Variants in KL observed in about 807,000 individuals in gnomAD.
The protein encoded by KL is klotho.
KL carries 62 observed loss-of-function variants against 84.2 expected under a neutral mutation model. The observed-to-expected ratio is 0.74, with a 90% CI of 0.60 to 0.91. The LOEUF is 0.91. KL is among the 40% of genes least tolerant of loss of function. The pLI, the probability that KL is intolerant of heterozygous loss-of-function variation, is 0.00. For synonymous variants in KL, 528 were observed against 528.0 expected (o/e 1.00, Z 0.00); for missense variants, 1,261 against 1,305.7 (o/e 0.97, Z 0.53).
chr13:33,058,098 C>T (rs774864234), intron 3 of KL, among the ~76,000 whole-genome samples: 11 of 152,128 alleles, frequency 7.2e-5, no homozygotes, highest in Non-Finnish European at 1.5e-4. Flanking sequence ...TTTGTTTTCC[C>T]ATAACCACGG....
At chr13:33,021,433 G>T (rs1252614239) in intron 1 of KL, among the ~76,000 whole-genome samples, 1 of 152,112 alleles carries the variant, frequency 6.6e-6, no homozygotes, top group Non-Finnish European at 1.5e-5. Context: ...AAGTCTCCTG[G>T]CCAGCTTTAG....
In KL at chr13:33,017,069, G is replaced by A. The variant is rs1870385787; in HGVS notation, c.629G>A (p.Arg210His). 1 of 1,601,328 alleles carries A rather than the reference G, an allele frequency of 6.2e-7. No homozygotes were observed. The highest frequency in any genetic ancestry group is 8.5e-7 in the Non-Finnish European group (1 of 1,178,110). The change falls in exon 1 of 5, where the codon CGC (arginine) becomes CAC (histidine). Residue 210 changes from arginine (R) to histidine (H), a missense_variant. By Grantham distance (29) the Arg-to-His change is conservative. Coordinates refer to ENST00000380099, the MANE Select transcript of KL (RefSeq NM_004795.4). ...LQDAYGGWAN[R>H]ALADHFRDYA... The stretch of plus-strand genomic sequence containing the variant: ...GACGCCTACGGCGGCTGGGCCAACC[G>A]CGCCCTGGCCGACCACTTCAGGGAT...
chr13:33,031,203 C>T (rs567180558), intron 1 of KL, among the ~76,000 whole-genome samples: 1 of 152,190 alleles, frequency 6.6e-6, no homozygotes, highest in East Asian at 1.9e-4. Context: ...AGATATGCAC[C>T]AGCAAAATTG....
At chr13:33,025,534 T>C (rs1766540960) in intron 1 of KL, among the ~76,000 whole-genome samples, 1 of 152,104 alleles carries the variant, frequency 6.6e-6, no homozygotes. Context: ...GGTGAGACAG[T>C]GTGGCCATTC....
rs200517420 is a variant in KL at position 33,016,951 on chromosome 13, C to T, written c.511C>T (p.Arg171Cys). Residue 171 changes from arginine (R) to cysteine (C), a missense_variant, in exon 1 of 5, where the codon CGC (arginine) becomes TGC (cysteine). Coordinates refer to ENST00000380099, the MANE Select transcript of KL (RefSeq NM_004795.4). The part of the protein sequence containing the change: ...SAGVPNREGL[R>C]YYRRLLERLR... Reference sequence around the variant, plus strand: ...GGGCGTCCCCAACCGCGAGGGGCTGCGCTACTACCGGCGCCTGCTGGAGCG... The same window carrying T: ...GGGCGTCCCCAACCGCGAGGGGCTGTGCTACTACCGGCGCCTGCTGGAGCG... 1.2e-6 allele frequency: 2 copies of T among 1,604,860 alleles called. No individual in the cohort carries two copies. The highest frequency in any genetic ancestry group is 1.7e-6 in the Non-Finnish European group (2 of 1,177,252).
At chr13:33,035,989 G>T (rs999644802) in intron 1 of KL, among the ~76,000 whole-genome samples, 1 of 151,954 alleles carries the variant, frequency 6.6e-6, no homozygotes, top group Non-Finnish European at 1.5e-5. Flanking sequence ...GCCCTTTATT[G>T]TCACCTACTT....
chr13:33,025,295 T>G (rs916159611), intron 1 of KL, among the ~76,000 whole-genome samples: 3 of 152,232 alleles, frequency 2.0e-5, no homozygotes, highest in Non-Finnish European at 4.4e-5. Context: ...GGCTAAGTTT[T>G]GGACTTTGCA....
intron 1 of KL, among the ~76,000 whole-genome samples, chr13:33,029,304 A>G (rs1017688447): frequency 1.3e-5 from 2 of 152,132 alleles, no homozygotes; most frequent in African/African-American, 2.4e-5. Flanking sequence ...TTATGAATAA[A>G]CCTTGTGGGA....
At position 33,065,666 on chromosome 13, in the gene KL, A is replaced by C. The variant is rs1872386220; in HGVS notation, c.*1480A>C. The stretch of plus-strand genomic sequence containing the variant: ...ACTTATTAAAATTGGATGCTAGAGA[A>C]TCAAGTTTATTTTATGTATATATTT... On this transcript the variant is annotated 3_prime_UTR_variant, in exon 5 of 5. Coordinates refer to ENST00000380099, the MANE Select transcript of KL (RefSeq NM_004795.4). 1 of 178,320 alleles carries C rather than the reference A, an allele frequency of 5.6e-6. No homozygotes were observed. The highest frequency in any genetic ancestry group is 1.2e-5 in the Non-Finnish European group (1 of 83,008). The allele number at this position is 178,320 out of a possible 1,614,324, so 11.0% of individuals were successfully genotyped here.
intron 1 of KL, among the ~76,000 whole-genome samples, chr13:33,017,922 T>C (rs368271842): frequency 1.3e-5 from 2 of 152,380 alleles, no homozygotes; most frequent in African/African-American, 4.8e-5. Context: ...TAGATTGTTC[T>C]ACCACATCTA....
chr13:33,032,654 T>G (rs1871014918), intron 1 of KL, among the ~76,000 whole-genome samples: 2 of 152,188 alleles, frequency 1.3e-5, no homozygotes, highest in Admixed American at 6.5e-5. Flanking sequence ...AGCAGTCACA[T>G]GCCCACAGAT....
chr13:33,036,904 C>T (rs182244983), intron 1 of KL, among the ~76,000 whole-genome samples: 10 of 152,150 alleles, frequency 6.6e-5, no homozygotes, highest in African/African-American at 9.6e-5. Flanking sequence ...AAGTAGCATA[C>T]GTCATAATTT....
At chr13:33,021,248 C>G (rs1185222923) in intron 1 of KL, among the ~76,000 whole-genome samples, 1 of 152,188 alleles carries the variant, frequency 6.6e-6, no homozygotes, top group East Asian at 1.9e-4. Flanking sequence ...ACTACCAAAT[C>G]CTAATCTGAT....
rs373063965 is a variant in KL, at chr13:33,063,933, G to T, written c.2786G>T (p.Arg929Leu). ...ACAGCTCCGAGGTTTGGCCTCTATC[G>T]TTATGCTGCAGATCAGTTTGAGCCC... Reference protein sequence around the residue: ...DRTAPRFGLYRYAADQFEPKA... With the variant: ...DRTAPRFGLYLYAADQFEPKA... Residue 929 changes from arginine (R) to leucine (L), a missense_variant, in exon 5 of 5, where the codon CGT becomes CTT. Coordinates refer to ENST00000380099, the MANE Select transcript of KL (RefSeq NM_004795.4). 6.2e-7 allele frequency: 1 copy of T among 1,614,122 alleles called. No homozygotes were observed. Among genetic ancestry groups the T allele is most frequent in the Admixed American group, 1.7e-5 (1 of 60,022 alleles).
intron 4 of KL, among the ~76,000 whole-genome samples, chr13:33,062,252 T>C (rs902907439): frequency 7.9e-5 from 12 of 152,090 alleles, no homozygotes; most frequent in African/African-American, 2.4e-4. Context: ...CGGTGGCATA[T>C]ACGCCTGCAG....
intron 1 of KL, among the ~76,000 whole-genome samples, chr13:33,043,377 A>G (rs9596676): frequency 0.2 from 30,359 of 151,730 alleles, 3,490 homozygotes; most frequent in African/African-American, 0.32. Flanking sequence ...GTGCCACCAC[A>G]CCCAGCTAAT....
chr13:33,025,871 G>A (rs1418768062), intron 1 of KL, among the ~76,000 whole-genome samples: 1 of 152,072 alleles, frequency 6.6e-6, no homozygotes, highest in African/African-American at 2.4e-5. Flanking sequence ...TCATCTCTTT[G>A]GTAGTTTATT....
At chr13:33,040,799 A>G (rs550149126) in intron 1 of KL, among the ~76,000 whole-genome samples, 1 of 152,278 alleles carries the variant, frequency 6.6e-6, no homozygotes, top group South Asian at 2.1e-4. Flanking sequence ...CTTCATTGAA[A>G]GCTAGACTTG....
chr13:33,031,172 G>A (rs376693552), intron 1 of KL, among the ~76,000 whole-genome samples: 8 of 152,196 alleles, frequency 5.3e-5, no homozygotes, highest in African/African-American at 1.9e-4. Flanking sequence ...TCAGTGTCAT[G>A]TTTCCTAAGA....
Sources: allele counts gnomAD v4.1 joint callset (sites outside exome capture counted in the v4.1 genomes callset), GRCh38; gene constraint gnomAD v4.1.1; transcripts MANE v1.5; gene names NCBI Gene and HGNC (gene_info 2026-07-23, HGNC 2026-07-21).